The following WWP2 variants were observed in gnomAD, a reference collection of about 807,000 sequenced individuals.
WWP2 encodes the protein NEDD4-like E3 ubiquitin-protein ligase WWP2.
Under a neutral mutation model 121.0 loss-of-function variants are expected in WWP2, and 57 were observed. The observed-to-expected ratio is 0.47, with a 90% CI of 0.38 to 0.59. The LOEUF (loss-of-function observed/expected upper bound fraction) is 0.59, where lower values mean the gene tolerates loss of function less well. Among genes scored for constraint, WWP2 ranks in the 20% least tolerant of loss-of-function variants. The pLI is 0.00. For synonymous variants in WWP2, 449 were observed against 441.3 expected (o/e 1.02, Z -0.22); for missense variants, 962 against 1,158.9 (o/e 0.83, Z 2.47).
intron 4 of WWP2, among the ~76,000 whole-genome samples, chr16:69,809,542 G>A (rs371382535): frequency 2.0e-5 from 3 of 152,256 alleles, no homozygotes; most frequent in East Asian, 1.9e-4. Flanking sequence ...CAAGGTGGGT[G>A]TATCACCTGA....
chr16:69,835,983 A>G (rs958994326), intron 4 of WWP2, among the ~76,000 whole-genome samples: 4 of 151,976 alleles, frequency 2.6e-5, no homozygotes, highest in African/African-American at 9.7e-5. Context: ...TTGTATTTTT[A>G]GTAAAGATGG....
intron 1 of WWP2, among the ~76,000 whole-genome samples, chr16:69,777,447 C>T (rs8058029): frequency 0.045 from 6,758 of 151,638 alleles, 522 homozygotes; most frequent in African/African-American, 0.16. Flanking sequence ...ATTACAGGCA[C>T]CTGCCACCAC....
intron 4 of WWP2, among the ~76,000 whole-genome samples, chr16:69,818,799 C>T (rs1231372723): frequency 6.6e-6 from 1 of 152,142 alleles, no homozygotes; most frequent in Non-Finnish European, 1.5e-5. Flanking sequence ...GGGGGTGCTC[C>T]ATGGTGGCTT....
At chr16:69,929,703 G>C (rs543517348) in intron 12 of WWP2, among the ~76,000 whole-genome samples, 174 bp downstream of exon 12, 1 of 152,364 alleles carries the variant, frequency 6.6e-6, no homozygotes, top group South Asian at 2.1e-4. Context: ...CCTGATGAGA[G>C]CTTAAAAGGG....
In WWP2 at chr16:69,840,119, C is replaced by T. The variant is rs748064720; in HGVS notation, c.341-7C>T. 7.4e-6 allele frequency: 12 copies of T among 1,613,888 alleles called. No homozygotes were observed. Among genetic ancestry groups the T allele is most frequent in the Admixed American group, 5.0e-5 (3 of 59,986 alleles). On this transcript the variant is annotated splice_region_variant and splice_polypyrimidine_tract_variant and intron_variant, in intron 4 of 23. Transcript: ENST00000359154. The stretch of plus-strand genomic sequence containing the variant: ...AGCCCATCCATGTTGCCTTTTGTAC[C>T]CCACAGTGGAGAACATGCAGCTGAC...
intron 2 of WWP2, among the ~76,000 whole-genome samples, chr16:69,787,316 G>A (rs1272872053): frequency 6.6e-6 from 1 of 152,178 alleles, no homozygotes; most frequent in Non-Finnish European, 1.5e-5. Flanking sequence ...CAGGCCAGGT[G>A]CAGTGGCTCA....
chr16:69,810,757 CTT>C (rs769856069), intron 4 of WWP2, among the ~76,000 whole-genome samples: 21 of 117,188 alleles, frequency 1.8e-4, no homozygotes, highest in Admixed American at 2.6e-4. Flanking sequence ...GAGGAATTTT[CTT>C]TTTTTTTTTT....
intron 1 of WWP2, among the ~76,000 whole-genome samples, chr16:69,783,895 C>G (rs2055721470): frequency 6.6e-6 from 1 of 152,000 alleles, no homozygotes; most frequent in South Asian, 2.1e-4. Context: ...TTCAAGGCTG[C>G]ACTGAGCATG....
chr16:69,770,066 T>C (rs141740816), intron 1 of WWP2, among the ~76,000 whole-genome samples: 1,787 of 152,244 alleles, frequency 0.012, 28 homozygotes, highest in African/African-American at 0.038. Flanking sequence ...TTCGCCGTGT[T>C]GGCCAGGCTG....
At chr16:69,782,280 C>T (rs1325699475) in intron 1 of WWP2, among the ~76,000 whole-genome samples, 3 of 152,084 alleles carry the variant, frequency 2.0e-5, no homozygotes, top group African/African-American at 7.2e-5. Flanking sequence ...GAGACTCCAT[C>T]TCAAACAAAC....
At chr16:69,908,661 C>T (rs1205809557) in intron 8 of WWP2, 100 bp from the exon 9 acceptor site, 2 of 1,557,108 alleles carry the variant, frequency 1.3e-6, no homozygotes, top group African/African-American at 2.7e-5. Context: ...TTTGATGCTT[C>T]CTGTAAATTA....
rs1261427729 is a variant in WWP2 at position 69,941,718 on chromosome 16, T to G, written c.*1778T>G. ...TTGCCTCGATATTGCCAGTTTCTTG[T>G]GCAATAAACAATCAGCAGCTGTGGG... On this transcript the variant is annotated 3_prime_UTR_variant, in exon 24 of 24. Transcript: ENST00000359154. The G allele has an allele frequency of 6.5e-6, 1 of 153,676 alleles. No individual in the cohort carries two copies. The highest frequency in any genetic ancestry group is 2.4e-5 in the African/African-American group (1 of 41,456). The allele number at this position is 153,676 out of a possible 1,614,324, so 9.5% of individuals were successfully genotyped here. A position where few individuals can be genotyped will look rare whatever the true frequency, so the allele number is the denominator to read the frequency against.
intron 1 of WWP2, among the ~76,000 whole-genome samples, chr16:69,773,360 G>T (rs965580426): frequency 1.3e-5 from 2 of 152,084 alleles, no homozygotes. Flanking sequence ...TTTATTTTTA[G>T]TAGAGATTGG....
chr16:69,936,545 G>A (rs754080571), intron 19 of WWP2, 93 bp downstream of exon 19: 58 of 1,548,232 alleles, frequency 3.7e-5, no homozygotes, highest in Non-Finnish European at 4.7e-5. Context: ...TGGCCCATCG[G>A]TCACTGTGGA....
chr16:69,929,661 T>C, intron 12 of WWP2, 132 bp downstream of exon 12: 3 of 748,576 alleles, frequency 4.0e-6, no homozygotes, highest in Non-Finnish European at 6.8e-6. Context: ...CACAAGTGTC[T>C]TGAGACTCTC....
intron 4 of WWP2, among the ~76,000 whole-genome samples, chr16:69,833,454 T>C (rs934102187): frequency 1.3e-5 from 2 of 152,212 alleles, no homozygotes; most frequent in African/African-American, 4.8e-5. Context: ...AGGCACATGG[T>C]GTCTGATTGT....
At chr16:69,881,032 A>G (rs1190915439) in intron 7 of WWP2, among the ~76,000 whole-genome samples, 3 of 152,114 alleles carry the variant, frequency 2.0e-5, no homozygotes, top group Non-Finnish European at 4.4e-5. Flanking sequence ...CTGAATGAAT[A>G]TGTGATTCAT....
intron 8 of WWP2, among the ~76,000 whole-genome samples, chr16:69,892,261 A>G (rs905660911): frequency 2.6e-5 from 4 of 152,210 alleles, no homozygotes; most frequent in African/African-American, 9.6e-5. Flanking sequence ...TTACATAGGT[A>G]TACACGTGCC....
At chr16:69,886,205 G>A (rs1034156325) in intron 7 of WWP2, among the ~76,000 whole-genome samples, 4 of 152,126 alleles carry the variant, frequency 2.6e-5, no homozygotes, top group African/African-American at 9.7e-5. Context: ...TCAGTCTCCT[G>A]AGTAGCTGGG....
Sources: allele counts gnomAD v4.1 joint callset (sites outside exome capture counted in the v4.1 genomes callset), GRCh38; gene constraint gnomAD v4.1.1; transcripts MANE v1.5; gene names NCBI Gene and HGNC (gene_info 2026-07-23, HGNC 2026-07-21).